The following MCPH1 variants were observed in gnomAD, a reference collection of about 807,000 sequenced individuals.
The protein encoded by MCPH1 is microcephalin 1, also known as microcephalin.
A neutral mutation model predicts 84.5 loss-of-function variants in MCPH1; 104 were observed. The ratio of observed to expected loss-of-function variants is 1.23; its 90% confidence interval spans 1.05 to 1.45. The LOEUF is 1.45. MCPH1 is among the 40% of genes most tolerant of loss of function. The probability of loss-of-function intolerance (pLI) is 0.00; values close to 1 mark genes in which losing one functional copy is unlikely to be tolerated. For synonymous variants in MCPH1, 514 were observed against 366.8 expected, an observed-to-expected ratio of 1.40 and a Z score of -4.58; for missense variants, 1,498 against 1,005.7, an observed-to-expected ratio of 1.49 and a Z score of -6.62.
At chr8:6,414,126 T>C (rs1427351976) in intron 2 of MCPH1, among the ~76,000 whole-genome samples, 1 of 152,160 alleles carries the variant, frequency 6.6e-6, no homozygotes, top group Non-Finnish European at 1.5e-5. Flanking sequence ...TCTTACTTTG[T>C]ATTTATGCAT....
At position 6,625,710 on chromosome 8, in the gene MCPH1, T is replaced by C. The variant is rs1832003164; in HGVS notation, c.2452+4019T>C. On this transcript the variant is annotated intron_variant, in intron 13 of 13. Transcript: ENST00000344683. Reference sequence around the variant, plus strand: ...TACGTGGGAGCTTGGCTTGAGCCCATAAGTTCAAGGCTGCGGTGAGCAACG... The same window carrying C: ...TACGTGGGAGCTTGGCTTGAGCCCACAAGTTCAAGGCTGCGGTGAGCAACG... The C allele has an allele frequency of 4.1e-6, 4 of 980,382 alleles. No homozygotes were observed. The South Asian group carries it at 1.9e-4, about 46-fold the overall frequency. 60.7% of individuals were successfully genotyped at this position (980,382 alleles called of 1,614,324 possible).
At chr8:6,434,554 C>T (rs1180807286) in intron 4 of MCPH1, among the ~76,000 whole-genome samples, 4 of 152,220 alleles carry the variant, frequency 2.6e-5, no homozygotes, top group Admixed American at 2.6e-4. Flanking sequence ...TGTTTATTTG[C>T]TGTCATTCCT....
chr8:6,473,770 A>G (rs1300083894), intron 9 of MCPH1: 2 of 854,432 alleles, frequency 2.3e-6, no homozygotes, highest in South Asian at 5.3e-5. Context: ...CGTTCCTGAT[A>G]CTTAAACAAT....
At chr8:6,415,311 A>G (rs117265084) in intron 3 of MCPH1, among the ~76,000 whole-genome samples, 17,778 of 85,010 alleles carry the variant, frequency 0.21, 1,424 homozygotes, top group Middle Eastern at 0.35. Flanking sequence ...TTTTTGAGAC[A>G]AAGTCTTGCT....
chr8:6,605,917 G>T (rs568525548), intron 12 of MCPH1, among the ~76,000 whole-genome samples: 1 of 152,104 alleles, frequency 6.6e-6, no homozygotes, highest in African/African-American at 2.4e-5. Context: ...GGCTGGTCTC[G>T]AATGCCTGAC....
At chr8:6,429,557 T>C (rs1475929338) in intron 3 of MCPH1, among the ~76,000 whole-genome samples, 1 of 152,152 alleles carries the variant, frequency 6.6e-6, no homozygotes, top group African/African-American at 2.4e-5. Flanking sequence ...TGATTTCATT[T>C]CCCCAGACAG....
chr8:6,625,527 A>T (rs1831978531), intron 13 of MCPH1: 2 of 977,768 alleles, frequency 2.0e-6, no homozygotes, highest in Non-Finnish European at 2.4e-6. Context: ...AAAAGAAGTT[A>T]TTTTGTTTAA....
At chr8:6,443,053 G>T (rs1803750749) in intron 7 of MCPH1, among the ~76,000 whole-genome samples, 1 of 152,060 alleles carries the variant, frequency 6.6e-6, no homozygotes, top group African/African-American at 2.4e-5. Context: ...TTTCATTTTT[G>T]TTGTTGTAGG....
chr8:6,419,673 C>T (rs543699282), intron 3 of MCPH1, among the ~76,000 whole-genome samples: 16 of 151,850 alleles, frequency 1.1e-4, no homozygotes, highest in East Asian at 1.9e-4. Context: ...AAGTGCAACC[C>T]GGCATTAAAG....
intron 1 of MCPH1, among the ~76,000 whole-genome samples, chr8:6,408,797 A>G (rs1308466040): frequency 3.9e-5 from 6 of 152,104 alleles, no homozygotes; most frequent in African/African-American, 1.4e-4. Flanking sequence ...TTCTGTGCCC[A>G]AGTGATCCCA....
chr8:6,538,536 A>T (rs1331466328), intron 12 of MCPH1, among the ~76,000 whole-genome samples: 5 of 152,096 alleles, frequency 3.3e-5, no homozygotes, highest in African/African-American at 1.2e-4. Context: ...TGGGCCTCAG[A>T]CCTGGGCGCG....
chr8:6,589,274 G>A (rs889231498), intron 12 of MCPH1, among the ~76,000 whole-genome samples: 19 of 150,606 alleles, frequency 1.3e-4, no homozygotes, highest in Admixed American at 6.7e-5. Context: ...CTTCAAAAAT[G>A]ACTGATACCT....
intron 12 of MCPH1, among the ~76,000 whole-genome samples, chr8:6,544,026 T>G (rs1822089576): frequency 6.6e-6 from 1 of 152,242 alleles, no homozygotes; most frequent in African/African-American, 2.4e-5. Flanking sequence ...GTAGAATGTT[T>G]TCAGATAAGA....
intron 9 of MCPH1, among the ~76,000 whole-genome samples, chr8:6,474,977 C>G (rs1361912020): frequency 6.6e-6 from 1 of 152,148 alleles, no homozygotes; most frequent in African/African-American, 2.4e-5. Flanking sequence ...ATTTACGTTT[C>G]TATAGGAATA....
At position 6,643,096 on chromosome 8, in the gene MCPH1, G is replaced by C; in HGVS notation, c.*47G>C. ...GTGACTGCACACAGCTCGCAAAACTGTCTTTGGATGTTCAAATGAGAAACA... is the reference window on the plus strand; with the variant it reads ...GTGACTGCACACAGCTCGCAAAACTCTCTTTGGATGTTCAAATGAGAAACA... On this transcript the variant is annotated 3_prime_UTR_variant, in exon 14 of 14. Transcript: ENST00000344683. The C allele has an allele frequency of 6.7e-7, 1 of 1,501,316 alleles. No homozygotes were observed. Among genetic ancestry groups the C allele is most frequent in the Non-Finnish European group, 9.3e-7 (1 of 1,078,316 alleles). 93.0% of individuals were successfully genotyped at this position (1,501,316 alleles called of 1,614,324 possible).
intron 12 of MCPH1, among the ~76,000 whole-genome samples, chr8:6,528,423 C>A (rs1303410797): frequency 6.6e-6 from 1 of 152,242 alleles, no homozygotes; most frequent in Non-Finnish European, 1.5e-5. Context: ...AAGTCACATG[C>A]TTCCATTATA....
At chr8:6,639,921 T>C (rs1018430996) in intron 13 of MCPH1, among the ~76,000 whole-genome samples, 10 of 152,170 alleles carry the variant, frequency 6.6e-5, no homozygotes, top group Non-Finnish European at 1.5e-4. Context: ...TTATTTATTT[T>C]AGAAACAAGA....
chr8:6,428,261 TTAAA>T (rs1250387962), intron 3 of MCPH1, among the ~76,000 whole-genome samples: 3 of 65,450 alleles, frequency 4.6e-5, no homozygotes, highest in Non-Finnish European at 1.4e-4. Context: ...ACTTTTAAAC[TTAAA>T]AAAAACTAGG....
intron 8 of MCPH1, among the ~76,000 whole-genome samples, chr8:6,452,017 A>G (rs1005441130): frequency 4.6e-5 from 7 of 152,232 alleles, no homozygotes; most frequent in African/African-American, 1.7e-4. Flanking sequence ...TGTTAAAAAT[A>G]AGAGTTATTT....
Sources: allele counts gnomAD v4.1 joint callset (sites outside exome capture counted in the v4.1 genomes callset), GRCh38; gene constraint gnomAD v4.1.1; transcripts MANE v1.5; gene names NCBI Gene and HGNC (gene_info 2026-07-23, HGNC 2026-07-21).